PLCB1: variants seen among roughly 807,000 people sequenced by gnomAD.
PLCB1 encodes the protein phospholipase C beta 1.
In PLCB1, 46 loss-of-function variants were observed where a neutral mutation model predicts 161.8. The ratio of observed to expected loss-of-function variants is 0.28; its 90% confidence interval spans 0.22 to 0.36. The LOEUF (loss-of-function observed/expected upper bound fraction) is 0.36, where lower values mean the gene tolerates loss of function less well. PLCB1 is among the 10% of genes least tolerant of loss of function. The pLI, the probability that PLCB1 is intolerant of heterozygous loss-of-function variation, is 1.00. For missense variants in PLCB1, 1,016 were observed against 1,472.5 expected, an observed-to-expected ratio of 0.69 and a Z score of 5.07; for synonymous variants, 517 against 503.7, an observed-to-expected ratio of 1.03 and a Z score of -0.35.
rs570559932 is a variant in PLCB1, at chr20:8,140,986, T to C, written c.99+8236T>C. Among the ~76,000 whole-genome samples, 40 of 150,952 alleles carry C rather than the reference T, an allele frequency of 2.6e-4. No individual in the cohort carries two copies. The South Asian group carries it at 8.6e-3, about 32-fold the overall frequency. On this transcript the variant is annotated intron_variant, in intron 1 of 31. Transcript: ENST00000338037. The stretch of plus-strand genomic sequence containing the variant: ...GCTAATTTTGTAGTTTTAGTAGAGA[T>C]AGGGTTTCTCCATGTTGGTCAGGCT...
intron 3 of PLCB1, among the ~76,000 whole-genome samples, chr20:8,429,403 G>A (rs1370532688): frequency 1.3e-5 from 2 of 149,788 alleles, no homozygotes; most frequent in Non-Finnish European, 3.0e-5. Flanking sequence ...CCATGGCATT[G>A]TTGTCTATTG....
intron 3 of PLCB1, among the ~76,000 whole-genome samples, chr20:8,435,036 T>C (rs1408678956): frequency 3.3e-5 from 5 of 152,200 alleles, no homozygotes; most frequent in Non-Finnish European, 7.3e-5. Context: ...TAGTCCATGG[T>C]GTATAACATG....
At chr20:8,752,698 C>G (rs918845414) in intron 23 of PLCB1, among the ~76,000 whole-genome samples, 3 of 150,932 alleles carry the variant, frequency 2.0e-5, no homozygotes, top group Non-Finnish European at 2.9e-5. Flanking sequence ...GAGGCTGAGG[C>G]AGGAGAATCG....
rs76814668 is a variant in PLCB1, at chr20:8,753,785, T to C, written c.2524-3261T>C. Reference sequence around the variant, plus strand: ...CAAAACTTTCATTTTTCCATTTTTCTCAAAACCTGGGTGGAAATAGGCTAA... The same window carrying C: ...CAAAACTTTCATTTTTCCATTTTTCCCAAAACCTGGGTGGAAATAGGCTAA... On this transcript the variant is annotated intron_variant, in intron 23 of 31. Transcript: ENST00000338037. 2.4e-3 allele frequency among the ~76,000 whole-genome samples: 366 copies of C among 152,316 alleles called. 1 individual carries two copies. The highest frequency in any genetic ancestry group is 8.5e-3 in the African/African-American group (352 of 41,576).
At chr20:8,409,434 G>A (rs1978938256) in intron 3 of PLCB1, among the ~76,000 whole-genome samples, 1 of 145,560 alleles carries the variant, frequency 6.9e-6, no homozygotes, top group South Asian at 2.3e-4. Context: ...CATATGGAAT[G>A]TATATTATTT....
chr20:8,469,868 A>C (rs902015901), intron 3 of PLCB1, among the ~76,000 whole-genome samples: 1 of 152,180 alleles, frequency 6.6e-6, no homozygotes, highest in African/African-American at 2.4e-5. Context: ...CATCACTACA[A>C]TGTAATTTTA....
rs1984293551 is a variant in PLCB1, at chr20:8,801,831, G to A, written c.3423+11570G>A. Reference sequence around the variant, plus strand: ...TTAACAACTAATTTTTACAGAGAGTGGGGAGGCCGAGGAGAACTCAATGCC... The same window carrying A: ...TTAACAACTAATTTTTACAGAGAGTAGGGAGGCCGAGGAGAACTCAATGCC... On this transcript the variant is annotated intron_variant, in intron 31 of 31. Coordinates refer to ENST00000338037, the MANE Select transcript of PLCB1 (RefSeq NM_015192.4). Among the ~76,000 whole-genome samples, 3 of 152,248 alleles carry A rather than the reference G, an allele frequency of 2.0e-5. No individual in the cohort carries two copies. The South Asian group carries it at 6.2e-4, about 32-fold the overall frequency.
chr20:8,556,893 C>A (rs1985974705), intron 3 of PLCB1, among the ~76,000 whole-genome samples: 1 of 151,126 alleles, frequency 6.6e-6, no homozygotes, highest in Non-Finnish European at 1.5e-5. Flanking sequence ...AGATGCATAA[C>A]ATCAGTAATC....
intron 3 of PLCB1, among the ~76,000 whole-genome samples, chr20:8,582,110 A>T (rs1297305439): frequency 6.6e-6 from 1 of 152,116 alleles, no homozygotes; most frequent in African/African-American, 2.4e-5. Context: ...ATTTACCAGG[A>T]CACCTCTGCC....
intron 2 of PLCB1, among the ~76,000 whole-genome samples, chr20:8,220,052 G>A (rs1979326371): frequency 6.6e-6 from 1 of 152,018 alleles, no homozygotes; most frequent in Non-Finnish European, 1.5e-5. Context: ...CTTATTTGTG[G>A]GGTGGTGGAT....
At chr20:8,266,837 G>A (rs1359728385) in intron 2 of PLCB1, among the ~76,000 whole-genome samples, 6 of 152,112 alleles carry the variant, frequency 3.9e-5, no homozygotes, top group East Asian at 1.9e-4. Context: ...TCAGGAGTTC[G>A]AGTCCAGCCT....
intron 7 of PLCB1, among the ~76,000 whole-genome samples, chr20:8,650,423 C>T (rs1989284053): frequency 6.6e-6 from 1 of 152,166 alleles, no homozygotes; most frequent in Admixed American, 6.5e-5. Context: ...GTATTAACCA[C>T]CCCTTAATCT....
intron 2 of PLCB1, among the ~76,000 whole-genome samples, chr20:8,267,827 C>T (rs1313531016): frequency 6.6e-6 from 1 of 152,038 alleles, no homozygotes; most frequent in African/African-American, 2.4e-5. Flanking sequence ...GGCCCATGAC[C>T]AGTTTGATTG....
intron 3 of PLCB1, among the ~76,000 whole-genome samples, chr20:8,416,255 G>A (rs937028110): frequency 6.6e-6 from 1 of 152,098 alleles, no homozygotes; most frequent in Non-Finnish European, 1.5e-5. Context: ...ATCTTTGTAT[G>A]CATTTATTTA....
intron 9 of PLCB1, among the ~76,000 whole-genome samples, chr20:8,677,769 G>C (rs928869881): frequency 2.0e-5 from 3 of 152,088 alleles, no homozygotes; most frequent in Admixed American, 6.6e-5. Context: ...AAAATACTGT[G>C]TCCAGCAAAA....
At chr20:8,522,769 A>G (rs1421496314) in intron 3 of PLCB1, among the ~76,000 whole-genome samples, 3 of 152,218 alleles carry the variant, frequency 2.0e-5, no homozygotes, top group Non-Finnish European at 4.4e-5. Context: ...GCCACAAAAA[A>G]GTAAAATATG....
chr20:8,733,561 G>T (rs2123501487), intron 19 of PLCB1, among the ~76,000 whole-genome samples, 169 bp downstream of exon 19: 1 of 151,416 alleles, frequency 6.6e-6, no homozygotes, highest in Middle Eastern at 3.4e-3. Context: ...TTTCGTAAGG[G>T]GTCCGTGTGT....
intron 2 of PLCB1, among the ~76,000 whole-genome samples, chr20:8,310,219 A>T (rs1183240788): frequency 6.6e-6 from 1 of 152,144 alleles, no homozygotes; most frequent in East Asian, 1.9e-4. Flanking sequence ...CTTTAAAGGA[A>T]ATCATGTTTT....
chr20:8,283,563 A>C (rs73895743), intron 2 of PLCB1, among the ~76,000 whole-genome samples: 5,604 of 149,660 alleles, frequency 0.037, 269 homozygotes, highest in African/African-American at 0.12. Flanking sequence ...TAAATAAAAT[A>C]AATCAATCAA....
Sources: gnomAD v4.1 joint callset for allele counts (sites outside exome capture counted in the v4.1 genomes callset) on GRCh38, gnomAD v4.1.1 for gene constraint, MANE v1.5 for transcripts, NCBI Gene and HGNC (gene_info 2026-07-23, HGNC 2026-07-21) for gene names.